The following ARHGAP23 variants were observed in gnomAD, a reference collection of about 807,000 sequenced individuals.
ARHGAP23 encodes the protein rho GTPase-activating protein 23.
Under a neutral mutation model 136.3 loss-of-function variants are expected in ARHGAP23, and 34 were observed. That is an observed-to-expected ratio of 0.25 (90% CI 0.19 to 0.33). The LOEUF (loss-of-function observed/expected upper bound fraction) is 0.33, where lower values mean the gene tolerates loss of function less well. ARHGAP23 is among the 10% of genes least tolerant of loss of function. ARHGAP23 has a pLI of 1.00. For missense variants in ARHGAP23, 1,808 were observed against 2,139.0 expected (o/e 0.85, Z 3.05); for synonymous variants, 832 against 920.5 (o/e 0.90, Z 1.74).
intron 1 of ARHGAP23, among the ~76,000 whole-genome samples, chr17:38,428,826 C>T (rs1326132597): frequency 6.6e-6 from 1 of 152,128 alleles, no homozygotes; most frequent in Non-Finnish European, 1.5e-5. Context: ...ACCCAGGTGG[C>T]GGTGCCAGGC....
rs764316575 is a variant in ARHGAP23 at position 38,466,638 on chromosome 17, C to G, written c.955C>G (p.Arg319Gly). The G allele has an allele frequency of 9.2e-6, 14 of 1,520,168 alleles. No homozygotes were observed. The African/African-American group carries it at 1.7e-4, about 18-fold the overall frequency. The allele number at this position is 1,520,168 out of a possible 1,614,324, so 94.2% of individuals were successfully genotyped here. A position where few individuals can be genotyped will look rare whatever the true frequency, so the allele number is the denominator to read the frequency against. Residue 319 changes from arginine (R) to glycine (G), a missense_variant, in exon 7 of 24, where the codon CGG becomes GGG. By Grantham distance (125) the Arg-to-Gly change is moderately radical. Around this residue, in one of 7 missense-constraint regions of ARHGAP23, gnomAD observed 859 missense variants for 936.4 expected, o/e 0.92. Transcript: ENST00000622683. Reference sequence around the variant, plus strand: ...CCGGGCCCGCAGCGCCTCCCAGGACCGGTTGGAGGAGGTGGCTGCCCCCCG... The same window carrying G: ...CCGGGCCCGCAGCGCCTCCCAGGACGGGTTGGAGGAGGTGGCTGCCCCCCG... Reference protein sequence around the residue: ...APRARSASQDRLEEVAAPRPW... With the variant: ...APRARSASQDGLEEVAAPRPW...
intron 1 of ARHGAP23, among the ~76,000 whole-genome samples, chr17:38,432,630 G>C (rs1268557402): frequency 6.6e-6 from 1 of 151,838 alleles, no homozygotes; most frequent in Non-Finnish European, 1.5e-5. Context: ...AATGAGCCAA[G>C]ATCACGCCAT....
chr17:38,424,513 C>T (rs1324172336), upstream of ARHGAP23, among the ~76,000 whole-genome samples: 1 of 152,158 alleles, frequency 6.6e-6, no homozygotes, highest in Non-Finnish European at 1.5e-5. Flanking sequence ...CCTGCTTCCT[C>T]CCAGTCCTTG....
At position 38,510,837 on chromosome 17, in the gene ARHGAP23, C is replaced by T. The variant is rs751747543; in HGVS notation, c.4341C>T (p.Leu1447=). 4.6e-6 allele frequency: 7 copies of T among 1,509,322 alleles called. No individual in the cohort carries two copies. Among genetic ancestry groups the T allele is most frequent in the Non-Finnish European group, 5.3e-6 (6 of 1,134,318 alleles). 93.5% of individuals were successfully genotyped at this position (1,509,322 alleles called of 1,614,324 possible). A position where few individuals can be genotyped will look rare whatever the true frequency, so the allele number is the denominator to read the frequency against. Residue 1447 remains leucine (L), a synonymous_variant, in exon 24 of 24, where the codon CTC becomes CTT. Coordinates refer to ENST00000622683, the MANE Select transcript of ARHGAP23 (RefSeq NM_001199417.2). This position sits in a 1 kb window ranked among gnomAD's most constrained non-coding sequence, Gnocchi z 4.6. The stretch of plus-strand genomic sequence containing the variant: ...ACAGTGACAACAAGGACTCCGGACT[C>T]AGCAGCCTGGAGTCCACCAAGGCGC... ...RAHSDNKDSG[L]SSLESTKARA...
At chr17:38,421,450 G>A (rs796771824) in intron 1 of ARHGAP23, among the ~76,000 whole-genome samples, 22 of 152,386 alleles carry the variant, frequency 1.4e-4, no homozygotes, top group African/African-American at 5.3e-4. Context: ...CACCGGAAGC[G>A]TGGTGTGTAT....
chr17:38,425,380 C>G (rs569554371), upstream of ARHGAP23, among the ~76,000 whole-genome samples: 4 of 152,348 alleles, frequency 2.6e-5, no homozygotes, highest in South Asian at 8.3e-4. Context: ...CTCAAGGCAC[C>G]TCCTGGGGAA....
chr17:38,458,151 G>T lies in ARHGAP23; in HGVS notation c.113G>T (p.Trp38Leu). Reference protein sequence around the residue: ...DGCSPRRPFPWQGPRTLLLYK... With the variant: ...DGCSPRRPFPLQGPRTLLLYK... Reference sequence around the variant, plus strand: ...TGCTCTCCTAGGCGCCCCTTCCCCTGGCAGGGGCCGAGGACGCTGCTGCTG... The same window carrying T: ...TGCTCTCCTAGGCGCCCCTTCCCCTTGCAGGGGCCGAGGACGCTGCTGCTG... The change falls in exon 2 of 24, where the codon TGG becomes TTG. Residue 38 changes from tryptophan to leucine, a missense_variant. Trp to Leu is a moderately conservative substitution (Grantham distance 61). Transcript: ENST00000622683. 6.5e-7 allele frequency: 1 copy of T among 1,536,136 alleles called. No individual in the cohort carries two copies. Among genetic ancestry groups the T allele is most frequent in the South Asian group, 1.2e-5 (1 of 84,060 alleles).
intron 1 of ARHGAP23, chr17:38,457,778 A>G (rs2039363501): frequency 2.2e-6 from 1 of 460,196 alleles, no homozygotes; most frequent in East Asian, 4.3e-5. Flanking sequence ...AGGGTCCTGC[A>G]CATAGTAGGT....
intron 2 of ARHGAP23, among the ~76,000 whole-genome samples, chr17:38,460,425 C>T (rs2039430826): frequency 6.6e-6 from 1 of 152,220 alleles, no homozygotes; most frequent in South Asian, 2.1e-4. Flanking sequence ...CCAGCGTCTG[C>T]ACACCCCGCC....
intron 1 of ARHGAP23, among the ~76,000 whole-genome samples, chr17:38,446,181 ATTT>A (rs5820259): frequency 0.34 from 33,771 of 99,516 alleles, 5,302 homozygotes; most frequent in African/African-American, 0.43. Flanking sequence ...CACCTGGCTA[ATTT>A]TTTTTTTTTT....
intron 6 of ARHGAP23, 57 bp from the exon 7 acceptor site, chr17:38,466,109 TC>T: frequency 7.3e-7 from 1 of 1,373,096 alleles, no homozygotes; most frequent in Non-Finnish European, 9.5e-7. Flanking sequence ...GGGCTGCCGT[TC>T]CCCTACCCTG....
chr17:38,420,843 G>A (rs2038513337), intron 1 of ARHGAP23, among the ~76,000 whole-genome samples: 1 of 150,746 alleles, frequency 6.6e-6, no homozygotes, highest in Non-Finnish European at 1.5e-5. Context: ...GTAGGGCGGG[G>A]AGGGAGGGAA....
intron 6 of ARHGAP23, among the ~76,000 whole-genome samples, chr17:38,465,559 A>G (rs1197951044): frequency 2.0e-5 from 3 of 152,202 alleles, no homozygotes; most frequent in East Asian, 3.9e-4. Context: ...CGTCAGCCTC[A>G]GCTCCCAGTG....
In ARHGAP23 at chr17:38,477,323, T is replaced by C. The variant is rs1287521781; in HGVS notation, c.2119-256T>C. 6.7e-6 allele frequency among the ~76,000 whole-genome samples: 1 copy of C among 148,678 alleles called. No individual in the cohort carries two copies. The highest frequency in any genetic ancestry group is 1.5e-5 in the Non-Finnish European group (1 of 67,146). ...CTCGGTGAGTGTTGATGCTGGTGTT[T>C]AGAGGGGGAGAGGGTTGGGGTCTGC... On this transcript the variant is annotated intron_variant, in intron 11 of 23. Coordinates refer to ENST00000622683, the MANE Select transcript of ARHGAP23 (RefSeq NM_001199417.2). The surrounding 1 kb of genome is among the most constrained non-coding windows in gnomAD (Gnocchi z 6.6).
intron 20 of ARHGAP23, among the ~76,000 whole-genome samples, chr17:38,495,481 C>A (rs1456846339): frequency 6.6e-6 from 1 of 152,178 alleles, no homozygotes; most frequent in Non-Finnish European, 1.5e-5. Context: ...GATGCACCTG[C>A]CTCAGCCTCC....
intron 3 of ARHGAP23, among the ~76,000 whole-genome samples, chr17:38,461,206 C>T (rs980834152): frequency 1.3e-5 from 2 of 152,236 alleles, no homozygotes; most frequent in African/African-American, 2.4e-5. Context: ...GGGCGGCACT[C>T]TGGGGCGCAG....
At chr17:38,496,818 T>G (rs572551300) in intron 20 of ARHGAP23, among the ~76,000 whole-genome samples, 2 of 152,192 alleles carry the variant, frequency 1.3e-5, no homozygotes, top group African/African-American at 4.8e-5. Context: ...CCAGGCGTGA[T>G]GGCGTGCACC....
chr17:38,484,650 G>T lies in ARHGAP23; in HGVS notation c.2908-1412G>T, dbSNP rs536930856. On this transcript the variant is annotated intron_variant, in intron 16 of 23. Coordinates refer to ENST00000622683, the MANE Select transcript of ARHGAP23 (RefSeq NM_001199417.2). ...AGATGAGAGGAGCTCACACCTGAGGGCCAGGAGGTAACGGAGTCGGGTGGG... is the reference window on the plus strand; with the variant it reads ...AGATGAGAGGAGCTCACACCTGAGGTCCAGGAGGTAACGGAGTCGGGTGGG... 1.4e-4 allele frequency among the ~76,000 whole-genome samples: 22 copies of T among 152,244 alleles called. No homozygotes were observed. The South Asian group carries it at 4.6e-3, about 32-fold the overall frequency.
chr17:38,500,619 C>T lies in ARHGAP23; in HGVS notation c.3438C>T (p.Ala1146=), dbSNP rs1417684269. 6.5e-7 allele frequency: 1 copy of T among 1,549,274 alleles called. No individual in the cohort carries two copies. The highest frequency in any genetic ancestry group is 2.4e-5 in the East Asian group (1 of 40,920). Residue 1146 remains alanine (A), a synonymous_variant, in exon 23 of 24, where the codon GCC becomes GCT. Coordinates refer to ENST00000622683, the MANE Select transcript of ARHGAP23 (RefSeq NM_001199417.2). The part of the protein sequence containing the change: ...PGSDSTTCSS[A]KSKGSWAPKK... ...CAGATTCTACCACCTGTAGTTCAGC[C>T]AAGTCCAAGGTACGTATGAAGGCAA...
Sources: gnomAD v4.1 joint callset for allele counts (sites outside exome capture counted in the v4.1 genomes callset) on GRCh38, gnomAD v4.1.1 for gene constraint, gnomAD v4.1.1 regional missense constraint, Gnocchi (gnomAD v3.1) non-coding constraint, MANE v1.5 for transcripts, NCBI Gene and HGNC (gene_info 2026-07-23, HGNC 2026-07-21) for gene names.